C11orf65: variants seen among roughly 807,000 people sequenced by gnomAD.
C11orf65 encodes the protein protein MFI.
A neutral mutation model predicts 35.3 loss-of-function variants in C11orf65; 38 were observed. The ratio of observed to expected loss-of-function variants is 1.08; its 90% CI spans 0.83 to 1.41. The LOEUF (loss-of-function observed/expected upper bound fraction) is 1.41, where lower values mean the gene tolerates loss of function less well. Ranked by LOEUF, C11orf65 falls within the 40% of genes most tolerant of loss-of-function variation. The pLI is 0.00. For synonymous variants in C11orf65, 105 were observed against 114.4 expected (o/e 0.92, Z 0.53); for missense variants, 370 against 367.1 (o/e 1.01, Z -0.06).
chr11:108,456,868 TCATTAAGAACATCTTAGA>T (rs2093416399), intron 2 of C11orf65, among the ~76,000 whole-genome samples: 1 of 152,140 alleles, frequency 6.6e-6, no homozygotes, highest in Non-Finnish European at 1.5e-5. Context: ...AGACTTCTTT[TCATTAAGAACATCTTAGA>T]GGAACGAGGC....
At chr11:108,361,825 G>A (rs1304042728) in intron 2 of C11orf65, among the ~76,000 whole-genome samples, 1 of 152,062 alleles carries the variant, frequency 6.6e-6, no homozygotes, top group Non-Finnish European at 1.5e-5. Flanking sequence ...TTAAACGTTA[G>A]ACCTAATACC....
chr11:108,309,187 G>T (rs1224968316), intron 6 of C11orf65: 1 of 563,076 alleles, frequency 1.8e-6, no homozygotes, highest in South Asian at 2.4e-5. Context: ...CAAAAACAAA[G>T]AACAACAATA....
intron 2 of C11orf65, among the ~76,000 whole-genome samples, chr11:108,353,439 AC>A (rs1259938396): frequency 6.6e-6 from 1 of 152,020 alleles, no homozygotes; most frequent in African/African-American, 2.4e-5. Flanking sequence ...GAGCCACCAC[AC>A]CCAGCCTAAA....
At chr11:108,422,074 C>A (rs556496664) in intron 3 of C11orf65, among the ~76,000 whole-genome samples, 1 of 152,216 alleles carries the variant, frequency 6.6e-6, no homozygotes, top group Middle Eastern at 3.4e-3. Context: ...GGACTACAGG[C>A]GCATGCCACC....
intron 3 of C11orf65, among the ~76,000 whole-genome samples, chr11:108,334,209 C>T (rs2086586772): frequency 9.2e-6 from 1 of 108,860 alleles, no homozygotes; most frequent in Non-Finnish European, 2.1e-5. Flanking sequence ...TTATGAAGGT[C>T]TATAGACTGT....
chr11:108,394,713 AC>A (rs76262607), intron 6 of C11orf65, among the ~76,000 whole-genome samples: 79,613 of 151,994 alleles, frequency 0.52, 21,712 homozygotes, highest in Middle Eastern at 0.73. Flanking sequence ...TGATTAGGAA[AC>A]AGCATAGTGG....
intron 2 of C11orf65, chr11:108,335,780 G>T: frequency 7.5e-7 from 1 of 1,340,080 alleles, no homozygotes; most frequent in Non-Finnish European, 1.1e-6. Context: ...GCTATTCTCA[G>T]ATGACTCTGT....
At chr11:108,359,055 C>A (rs2090387179) in intron 2 of C11orf65, among the ~76,000 whole-genome samples, 1 of 149,208 alleles carries the variant, frequency 6.7e-6, no homozygotes, top group African/African-American at 2.5e-5. Context: ...AAACCCATCT[C>A]ACGTGCAGAG....
chr11:108,321,431 C>T lies in C11orf65; in HGVS notation c.641-12360G>A, dbSNP rs368049107. The T allele has an allele frequency of 8.2e-5, 132 of 1,613,760 alleles. No homozygotes were observed. Among genetic ancestry groups the T allele is most frequent in the Admixed American group, 1.8e-4 (11 of 59,982 alleles). On this transcript the variant is annotated intron_variant, in intron 6 of 6. Transcript: ENST00000525729. ...GGAGCTTTTCTCAAGGTATGTAATT[C>T]GTATGACTTTGTTATCCTAAAGTGC...
At chr11:108,387,462 T>G (rs768720233) in intron 7 of C11orf65, among the ~76,000 whole-genome samples, 2 of 152,146 alleles carry the variant, frequency 1.3e-5, no homozygotes, top group African/African-American at 4.8e-5. Flanking sequence ...TGAATTATTT[T>G]TACTTCTGTC....
chr11:108,404,312 T>G (rs1019545843), intron 6 of C11orf65, among the ~76,000 whole-genome samples: 2 of 152,216 alleles, frequency 1.3e-5, no homozygotes, highest in African/African-American at 4.8e-5. Flanking sequence ...TGTTAGGACT[T>G]GAGTTTGACC....
At chr11:108,343,499 T>C in intron 2 of C11orf65, 1 of 1,146,066 alleles carries the variant, frequency 8.7e-7, no homozygotes, top group Non-Finnish European at 1.2e-6. Flanking sequence ...AGATACTAAG[T>C]AAAAGAAAAA....
downstream of C11orf65, chr11:108,331,284 C>CAGATA (rs1430021980): frequency 7.2e-7 from 1 of 1,383,652 alleles, no homozygotes; most frequent in Non-Finnish European, 9.3e-7. Context: ...GAAAGACCTT[C>CAGATA]AGATAAGAAA....
intron 2 of C11orf65, 130 bp from the exon 3 acceptor site, chr11:108,431,968 A>G: frequency 2.2e-6 from 1 of 460,540 alleles, no homozygotes; most frequent in Admixed American, 3.7e-5. Context: ...ACTAGATTTT[A>G]GAAATATTAT....
chr11:108,356,935 G>A (rs2090014093), intron 2 of C11orf65, among the ~76,000 whole-genome samples: 1 of 152,196 alleles, frequency 6.6e-6, no homozygotes, highest in Non-Finnish European at 1.5e-5. Flanking sequence ...CCCTCCGGGA[G>A]GAGGAGCCAA....
In C11orf65 at chr11:108,387,143, TCTTTC is replaced by T. The variant is rs1365140552; in HGVS notation, c.732-1173_732-1169del. Among the ~76,000 whole-genome samples, 7 of 126,320 alleles carry T rather than the reference TCTTTC, an allele frequency of 5.5e-5. No individual in the cohort carries two copies. The East Asian group carries it at 1.3e-3, about 23-fold the overall frequency. The allele number at this position is 126,320 out of a possible 152,430, so 82.9% of individuals were successfully genotyped here. On this transcript the variant is annotated intron_variant, in intron 7 of 8. Coordinates refer to ENST00000393084, the MANE Select transcript of C11orf65 (RefSeq NM_152587.5). ...CACTGTGATTTTCTTTTCTTTTCTT[TCTTTC>T]TTTTTTTTTTTTTTTTTTTTTTTGA...
At chr11:108,401,621 G>A (rs2092440824) in intron 6 of C11orf65, among the ~76,000 whole-genome samples, 1 of 152,130 alleles carries the variant, frequency 6.6e-6, no homozygotes, top group Non-Finnish European at 1.5e-5. Flanking sequence ...TCTGTAATAT[G>A]CTTCCCCCTG....
Position 108,365,442 on chromosome 11 carries a change from C to T in C11orf65, c.226+27766G>A, listed in dbSNP as rs1353790236. On this transcript the variant is annotated intron_variant, in intron 2 of 3. Transcript: ENST00000524755. ...GTGTTGGTGGACAAGTGAATTTGCT[C>T]ATACAGCAGGCCATAGACCCCAAAA... is the stretch of plus-strand genomic sequence containing the variant. 6.2e-7 allele frequency: 1 copy of T among 1,614,166 alleles called. No homozygotes were observed. Among genetic ancestry groups the T allele is most frequent in the Non-Finnish European group, 8.5e-7 (1 of 1,180,034 alleles).
chr11:108,394,048 C>T (rs970609214), intron 6 of C11orf65, among the ~76,000 whole-genome samples: 6 of 151,710 alleles, frequency 4.0e-5, no homozygotes, highest in Admixed American at 1.3e-4. Context: ...GGCATGGTGG[C>T]GGGCCCCTGT....
Sources: gnomAD v4.1 joint callset for allele counts (sites outside exome capture counted in the v4.1 genomes callset) on GRCh38, gnomAD v4.1.1 for gene constraint, MANE v1.5 for transcripts, NCBI Gene and HGNC (gene_info 2026-07-23, HGNC 2026-07-21) for gene names.